SAMD5: variants seen among roughly 807,000 people sequenced by gnomAD.
The protein encoded by SAMD5 is sterile alpha motif domain containing 5, also known as sterile alpha motif domain-containing protein 5.
Under a neutral mutation model 11.3 loss-of-function variants are expected in SAMD5, and 13 were observed. The observed-to-expected ratio is 1.15, with a 90% confidence interval of 0.75 to 1.83. The LOEUF (loss-of-function observed/expected upper bound fraction) is 1.83. Ranked by LOEUF, SAMD5 falls within the 40% of genes most tolerant of loss-of-function variation. The pLI, the probability that SAMD5 is intolerant of heterozygous loss-of-function variation, is 0.00. For missense variants in SAMD5, 255 were observed against 239.1 expected, an observed-to-expected ratio of 1.07 and a Z score of -0.44; for synonymous variants, 129 against 111.3, an observed-to-expected ratio of 1.16 and a Z score of -1.00.
At chr6:147,769,152 A>G in the SAMD5 span, among the ~76,000 whole-genome samples, 1 of 152,220 alleles carries the variant, frequency 6.6e-6, no homozygotes, top group Non-Finnish European at 1.5e-5. Context: ...CTCCTTGGGA[A>G]GAGGAAGTGA....
At chr6:147,545,123 T>C (rs1013695868) in intron 1 of SAMD5, among the ~76,000 whole-genome samples, 3 of 152,216 alleles carry the variant, frequency 2.0e-5, no homozygotes, top group African/African-American at 7.2e-5. Flanking sequence ...TTATGCTCGG[T>C]GAAATTGTGG....
chr6:147,633,622 A>G (rs912643663), intron 1 of SAMD5, among the ~76,000 whole-genome samples: 4 of 152,006 alleles, frequency 2.6e-5, no homozygotes, highest in African/African-American at 9.7e-5. Flanking sequence ...CATACAACAT[A>G]CAACAGCTTC....
the SAMD5 span, among the ~76,000 whole-genome samples, chr6:147,809,894 C>A: frequency 4.6e-5 from 7 of 152,162 alleles, no homozygotes; most frequent in South Asian, 1.4e-3. Flanking sequence ...CCCCTGGGGG[C>A]AAAACCCCCC....
intron 1 of SAMD5, among the ~76,000 whole-genome samples, chr6:147,609,632 C>A (rs1242815010): frequency 1.3e-5 from 2 of 152,148 alleles, no homozygotes; most frequent in African/African-American, 4.8e-5. Flanking sequence ...TCACTGCCAC[C>A]TGCAACCTCC....
chr6:147,817,795 A>G, the SAMD5 span, among the ~76,000 whole-genome samples: 1 of 152,172 alleles, frequency 6.6e-6, no homozygotes, highest in Non-Finnish European at 1.5e-5. Flanking sequence ...CAATTTTCAC[A>G]TAGCAAGAGT....
At chr6:147,660,191 A>T (rs1790627689) in intron 1 of SAMD5, among the ~76,000 whole-genome samples, 2 of 152,186 alleles carry the variant, frequency 1.3e-5, no homozygotes, top group African/African-American at 2.4e-5. Flanking sequence ...TTCAGGCAAT[A>T]ATTGGAACTG....
chr6:147,848,333 G>A, the SAMD5 span, among the ~76,000 whole-genome samples: 1 of 152,150 alleles, frequency 6.6e-6, no homozygotes, highest in Non-Finnish European at 1.5e-5. Flanking sequence ...TGATAATTCA[G>A]AGCCCCACAT....
At chr6:147,933,148 G>T in the SAMD5 span, among the ~76,000 whole-genome samples, 749 of 152,276 alleles carry the variant, frequency 4.9e-3, 1 homozygote, top group African/African-American at 0.017. Flanking sequence ...AAGCATCAAT[G>T]ATCATCCAGG....
the SAMD5 span, among the ~76,000 whole-genome samples, chr6:147,803,468 A>G: frequency 6.6e-6 from 1 of 152,174 alleles, no homozygotes; most frequent in South Asian, 2.1e-4. Context: ...GACTTATTCT[A>G]AAATCCTAAT....
At chr6:147,742,698 T>G in the SAMD5 span, among the ~76,000 whole-genome samples, 5 of 152,158 alleles carry the variant, frequency 3.3e-5, no homozygotes, top group Non-Finnish European at 5.9e-5. Context: ...AGTTGGACAT[T>G]GGAATGTAAC....
At chr6:147,702,218 T>TG (rs764586450) in intron 1 of SAMD5, among the ~76,000 whole-genome samples, 22 of 152,164 alleles carry the variant, frequency 1.4e-4, no homozygotes, top group East Asian at 7.7e-4. Context: ...AAGAACAGCA[T>TG]GGGAAAGACC....
At chr6:147,611,754 CA>C (rs1219653442) in intron 1 of SAMD5, among the ~76,000 whole-genome samples, 1 of 152,116 alleles carries the variant, frequency 6.6e-6, no homozygotes, top group Admixed American at 6.6e-5. Context: ...AGAGACTCCT[CA>C]GAGTCACCTG....
At chr6:147,649,595 C>T (rs992365788) in intron 1 of SAMD5, among the ~76,000 whole-genome samples, 2 of 152,096 alleles carry the variant, frequency 1.3e-5, no homozygotes, top group African/African-American at 4.8e-5. Context: ...AGTTCGAGAC[C>T]AGCCTGGCCA....
At chr6:147,761,737 G>A in the SAMD5 span, among the ~76,000 whole-genome samples, 7 of 151,622 alleles carry the variant, frequency 4.6e-5, no homozygotes, top group East Asian at 3.9e-4. Context: ...TTTTTGAGAC[G>A]GAGTCTCACT....
At chr6:147,608,044 C>A (rs1433573285) in intron 1 of SAMD5, among the ~76,000 whole-genome samples, 1 of 152,164 alleles carries the variant, frequency 6.6e-6, no homozygotes, top group Non-Finnish European at 1.5e-5. Flanking sequence ...AGGTGCTTAA[C>A]ATCACTGATC....
At chr6:147,546,301 G>A (rs541531828) in intron 1 of SAMD5, among the ~76,000 whole-genome samples, 45 of 152,282 alleles carry the variant, frequency 3.0e-4, no homozygotes, top group Non-Finnish European at 3.1e-4. Flanking sequence ...AGGCCAAGGC[G>A]GGTGGATCAC....
At chr6:147,919,366 C>T in the SAMD5 span, among the ~76,000 whole-genome samples, 2 of 151,960 alleles carry the variant, frequency 1.3e-5, no homozygotes, top group South Asian at 2.1e-4. Context: ...ACTTGGGGGC[C>T]GTCATGTTTT....
the SAMD5 span, among the ~76,000 whole-genome samples, chr6:147,920,475 C>G: frequency 6.6e-6 from 1 of 152,150 alleles, no homozygotes; most frequent in Non-Finnish European, 1.5e-5. Context: ...TGCTCCTCAG[C>G]TTGCAGATGG....
the SAMD5 span, among the ~76,000 whole-genome samples, chr6:147,777,079 C>G: frequency 3.3e-5 from 5 of 152,162 alleles, no homozygotes; most frequent in African/African-American, 1.2e-4. Context: ...TAATTTCATA[C>G]TGGTGAGGTC....
Sources: allele counts gnomAD v4.1 joint callset (sites outside exome capture counted in the v4.1 genomes callset), GRCh38; gene constraint gnomAD v4.1.1; transcripts MANE v1.5; gene names NCBI Gene and HGNC (gene_info 2026-07-23, HGNC 2026-07-21).